The following LIMCH1 variants were observed in gnomAD, a reference collection of about 807,000 sequenced individuals.
LIMCH1 encodes the protein LIM and calponin homology domains-containing protein 1.
LIMCH1 carries 113 observed loss-of-function variants against 176.5 expected under a neutral mutation model. The ratio of observed to expected loss-of-function variants is 0.64; its 90% CI spans 0.55 to 0.75. The LOEUF (loss-of-function observed/expected upper bound fraction) is 0.75. LIMCH1 is among the 30% of genes least tolerant of loss of function. The pLI is 0.00. For synonymous variants in LIMCH1, 619 were observed against 645.9 expected (o/e 0.96, Z 0.63); for missense variants, 1,674 against 1,814.9 (o/e 0.92, Z 1.41).
chr4:41,516,153 G>A (rs2075562260), intron 2 of LIMCH1, among the ~76,000 whole-genome samples: 1 of 152,158 alleles, frequency 6.6e-6, no homozygotes, highest in African/African-American at 2.4e-5. Context: ...TATAAAAGCA[G>A]GGAGAGTCTT....
At chr4:41,537,740 A>C (rs2078112662), upstream of LIMCH1, among the ~76,000 whole-genome samples, 2 of 152,174 alleles carry the variant, frequency 1.3e-5, no homozygotes, top group Admixed American at 1.3e-4. Context: ...GTTTTCAATA[A>C]ATGGTAGTTT....
chr4:41,646,414 T>C, intron 16 of LIMCH1, 71 bp from the exon 17 acceptor site: 1 of 1,553,742 alleles, frequency 6.4e-7, no homozygotes, highest in African/African-American at 1.4e-5. Context: ...AGTGCTACCT[T>C]CGTTTCTACC....
intron 2 of LIMCH1, among the ~76,000 whole-genome samples, chr4:41,516,354 C>T (rs2075581804): frequency 6.6e-6 from 1 of 152,134 alleles, no homozygotes; most frequent in Non-Finnish European, 1.5e-5. Context: ...ATGGCAGAGA[C>T]TGGTGGCTGG....
At chr4:41,454,280 G>A (rs1046324217) in intron 1 of LIMCH1, among the ~76,000 whole-genome samples, 1 of 152,158 alleles carries the variant, frequency 6.6e-6, no homozygotes, top group African/African-American at 2.4e-5. Flanking sequence ...AAATTAAACA[G>A]CCAAGTGATT....
chr4:41,556,161 G>A (rs1040607169), intron 1 of LIMCH1, among the ~76,000 whole-genome samples: 1 of 151,980 alleles, frequency 6.6e-6, no homozygotes, highest in Non-Finnish European at 1.5e-5. Flanking sequence ...TTGGGAGGCC[G>A]AGGCGGGTGG....
chr4:41,419,666 T>G (rs1270428514), intron 1 of LIMCH1, among the ~76,000 whole-genome samples: 1,080 of 77,484 alleles, frequency 0.014, 46 homozygotes, highest in African/African-American at 0.02. Flanking sequence ...CCTTCCTTCC[T>G]TCCTTCCTTC....
intron 2 of LIMCH1, among the ~76,000 whole-genome samples, chr4:41,510,837 C>T (rs568197015): frequency 6.6e-6 from 1 of 152,310 alleles, no homozygotes; most frequent in East Asian, 1.9e-4. Context: ...GATCCGCCCA[C>T]CTCGGCCTCC....
chr4:41,693,931 A>G (rs897259021), intron 31 of LIMCH1, among the ~76,000 whole-genome samples: 2 of 152,174 alleles, frequency 1.3e-5, no homozygotes, highest in African/African-American at 4.8e-5. Flanking sequence ...TCTGGGTGAC[A>G]GTGACCTCTT....
intron 1 of LIMCH1, among the ~76,000 whole-genome samples, chr4:41,446,200 G>A (rs11737555): frequency 0.16 from 23,991 of 152,018 alleles, 2,077 homozygotes; most frequent in Admixed American, 0.22. Context: ...CTAGTCGTTG[G>A]TTTTTGAAGC....
At chr4:41,384,759 C>CT (rs2056256195) in intron 1 of LIMCH1, among the ~76,000 whole-genome samples, 2 of 152,290 alleles carry the variant, frequency 1.3e-5, no homozygotes, top group African/African-American at 2.4e-5. Context: ...GTTTGATGCT[C>CT]TTTTTCTGAT....
Position 41,598,836 on chromosome 4 carries a change from G to A in LIMCH1, c.-240-84G>A, listed in dbSNP as rs77668230. On this transcript the variant is annotated intron_variant, in intron 1 of 31. Coordinates refer to ENST00000503057, the MANE Select transcript of LIMCH1 (RefSeq NM_001330672.2). ...CTGACCATAGCTGCCTTAGTGACCA[G>A]TATCCCTACAGCAACTTGGGAGGGG... 759 of 756,698 alleles carry A rather than the reference G, an allele frequency of 1.0e-3. 7 individuals carry two copies. The East Asian group carries it at 0.017, about 17-fold the overall frequency. The allele number at this position is 756,698 out of a possible 1,614,324, so 46.9% of individuals were successfully genotyped here. A position where few individuals can be genotyped will look rare whatever the true frequency, so the allele number is the denominator to read the frequency against.
chr4:41,396,901 A>T (rs1018418404), intron 1 of LIMCH1, among the ~76,000 whole-genome samples: 1 of 151,796 alleles, frequency 6.6e-6, no homozygotes, highest in Admixed American at 6.6e-5. Flanking sequence ...CTGTCTCAAA[A>T]AAAAAAATAA....
At chr4:41,641,113 C>T (rs1435595562) in intron 14 of LIMCH1, among the ~76,000 whole-genome samples, 1 of 152,154 alleles carries the variant, frequency 6.6e-6, no homozygotes, top group Non-Finnish European at 1.5e-5. Context: ...TGCCAACCCA[C>T]CACCAAGGGA....
chr4:41,588,963 A>G (rs1301577658), intron 1 of LIMCH1, among the ~76,000 whole-genome samples: 2 of 152,178 alleles, frequency 1.3e-5, no homozygotes, highest in Non-Finnish European at 2.9e-5. Flanking sequence ...GCTGGGTTCG[A>G]TGCCAAGGAT....
intron 4 of LIMCH1, among the ~76,000 whole-genome samples, chr4:41,610,699 A>G (rs1240836965): frequency 2.0e-5 from 3 of 152,178 alleles, no homozygotes; most frequent in Admixed American, 2.0e-4. Flanking sequence ...GGTCTGGAGA[A>G]ATGAAATAAC....
At chr4:41,494,265 T>G (rs866466381) in intron 1 of LIMCH1, among the ~76,000 whole-genome samples, 4 of 150,840 alleles carry the variant, frequency 2.7e-5, no homozygotes, top group Non-Finnish European at 4.4e-5. Context: ...ATGCCACCCG[T>G]TTTTTTCAAG....
chr4:41,506,080 A>G (rs2074128942), intron 2 of LIMCH1, among the ~76,000 whole-genome samples: 1 of 152,210 alleles, frequency 6.6e-6, no homozygotes, highest in Non-Finnish European at 1.5e-5. Flanking sequence ...CCTAGGAGTC[A>G]TAGAACTGAA....
Position 41,633,578 on chromosome 4 carries a change from T to C in LIMCH1, c.1860T>C (p.Ala620=). The change falls in exon 13 of 32, where the codon GCT becomes GCC. Residue 620 remains alanine, a synonymous_variant. Transcript: ENST00000503057. ...GTCCTCTGGCCTCTGAGTGTGAGGCTTCAGGGACAGAAGAGAAGTTGGAGA... is the reference window on the plus strand; with the variant it reads ...GTCCTCTGGCCTCTGAGTGTGAGGCCTCAGGGACAGAAGAGAAGTTGGAGA... ...LVCPLASECE[A]SGTEEKLEKM... is the part of the protein sequence containing the mutation. 6.5e-7 allele frequency: 1 copy of C among 1,536,130 alleles called. No homozygotes were observed. The highest frequency in any genetic ancestry group is 2.4e-5 in the East Asian group (1 of 40,916).
chr4:41,409,625 G>C (rs1425806134), intron 1 of LIMCH1, among the ~76,000 whole-genome samples: 2 of 152,178 alleles, frequency 1.3e-5, no homozygotes, highest in African/African-American at 4.8e-5. Context: ...CTATAAGCTG[G>C]TTGGGTCTTT....
Sources: allele counts gnomAD v4.1 joint callset (sites outside exome capture counted in the v4.1 genomes callset), GRCh38; gene constraint gnomAD v4.1.1; transcripts MANE v1.5; gene names NCBI Gene and HGNC (gene_info 2026-07-23, HGNC 2026-07-21).